Variants in EPB41L3 observed in about 807,000 individuals in gnomAD.
EPB41L3 encodes band 4.1-like protein 3.
EPB41L3 carries 57 observed loss-of-function variants against 127.1 expected under a neutral mutation model. The ratio of observed to expected loss-of-function variants is 0.45; its 90% CI spans 0.36 to 0.56. The LOEUF is 0.56. Among genes scored for constraint, EPB41L3 ranks in the 20% least tolerant of loss-of-function variants. EPB41L3 has a pLI of 0.00. For missense variants in EPB41L3, 1,273 were observed against 1,372.2 expected, an observed-to-expected ratio of 0.93 and a Z score of 1.14; for synonymous variants, 572 against 549.5, an observed-to-expected ratio of 1.04 and a Z score of -0.57.
chr18:5,426,953 T>A (rs1022865387), intron 9 of EPB41L3, among the ~76,000 whole-genome samples: 1 of 152,240 alleles, frequency 6.6e-6, no homozygotes, highest in Non-Finnish European at 1.5e-5. Context: ...TTATCATAGA[T>A]AGGTATGATG....
chr18:5,537,765 T>A (rs893616225), intron 1 of EPB41L3, among the ~76,000 whole-genome samples: 1 of 152,134 alleles, frequency 6.6e-6, no homozygotes, highest in African/African-American at 2.4e-5. Flanking sequence ...CAATGACTAA[T>A]TGAGAGTCTC....
chr18:5,476,132 A>G (rs985885974), intron 3 of EPB41L3, among the ~76,000 whole-genome samples: 1 of 151,996 alleles, frequency 6.6e-6, no homozygotes, highest in African/African-American at 2.4e-5. Flanking sequence ...CATTCAACCA[A>G]TCGGTTACAA....
At chr18:5,556,254 CAAA>C (rs578159360) in intron 3 of EPB41L3, among the ~76,000 whole-genome samples, 1 of 152,250 alleles carries the variant, frequency 6.6e-6, no homozygotes, top group South Asian at 2.1e-4. Context: ...AAAAAGCAAA[CAAA>C]AAGACAGAAA....
At chr18:5,507,557 A>T (rs1431238977) in intron 1 of EPB41L3, among the ~76,000 whole-genome samples, 1 of 152,198 alleles carries the variant, frequency 6.6e-6, no homozygotes, top group Non-Finnish European at 1.5e-5. Context: ...ACTCTCTAAA[A>T]ATCAATTTGT....
chr18:5,619,733 T>C (rs1199136491), intron 1 of EPB41L3, among the ~76,000 whole-genome samples: 1 of 152,252 alleles, frequency 6.6e-6, no homozygotes. Context: ...CATGTATTAT[T>C]TTTTATTTAT....
At chr18:5,605,211 C>T (rs1239665103) in intron 3 of EPB41L3, among the ~76,000 whole-genome samples, 1 of 152,142 alleles carries the variant, frequency 6.6e-6, no homozygotes, top group Non-Finnish European at 1.5e-5. Context: ...CCAACTTCTC[C>T]CTCTGCCCAG....
intron 1 of EPB41L3, among the ~76,000 whole-genome samples, chr18:5,505,552 T>G (rs1371031836): frequency 7.1e-6 from 1 of 141,364 alleles, no homozygotes; most frequent in African/African-American, 2.7e-5. Context: ...CCTCCACACC[T>G]TCAGCTCTTA....
At chr18:5,417,670 T>C (rs73375729) in intron 12 of EPB41L3, among the ~76,000 whole-genome samples, 1 of 152,070 alleles carries the variant, frequency 6.6e-6, no homozygotes, top group African/African-American at 2.4e-5. Context: ...AATGCACAAA[T>C]AAAGTTACAT....
rs115140639 is a variant in EPB41L3 at position 5,421,320 on chromosome 18, C to T, written c.1340-1443G>A. Among the ~76,000 whole-genome samples, 1,282 of 152,002 alleles carry T rather than the reference C, an allele frequency of 8.4e-3. 17 individuals carry two copies. Among genetic ancestry groups the T allele is most frequent in the African/African-American group, 0.021 (853 of 41,476 alleles). ...GATGATATTCAGGAAAAAAAAAGTG[C>T]GATTCTACAAAGTTCCTCAAATACT... On this transcript the variant is annotated intron_variant, in intron 11 of 22. Transcript: ENST00000341928.
chr18:5,458,341 G>T (rs967862389), intron 3 of EPB41L3, among the ~76,000 whole-genome samples: 1 of 152,128 alleles, frequency 6.6e-6, no homozygotes, highest in African/African-American at 2.4e-5. Flanking sequence ...GGAGTAAGTG[G>T]TCTTAAACTG....
In EPB41L3 at chr18:5,438,053, A is replaced by G; in HGVS notation, c.587T>C (p.Leu196Pro). 1 of 1,613,974 alleles carries G rather than the reference A, an allele frequency of 6.2e-7. No homozygotes were observed. ...VKFYPPDPAQ[L>P]SEDITRYYLC... ...CAAATACCTGGTGATATCTTCAGATAGTTGGGCAGGGTCTGGTGGATAAAA... is the reference window on the plus strand; with the variant it reads ...CAAATACCTGGTGATATCTTCAGATGGTTGGGCAGGGTCTGGTGGATAAAA... Residue 196 changes from leucine to proline, a missense_variant, in exon 6 of 23, where the codon CTA (leucine) becomes CCA (proline). By Grantham distance (98) the Leu-to-Pro change is moderately conservative (BLOSUM62 -3). This residue lies in a region of EPB41L3 where 326 missense variants were observed against 440.2 expected (regional missense o/e 0.74). Coordinates refer to ENST00000341928, the MANE Select transcript of EPB41L3 (RefSeq NM_012307.5).
chr18:5,512,040 C>T (rs1036386771), intron 1 of EPB41L3, among the ~76,000 whole-genome samples: 4 of 152,148 alleles, frequency 2.6e-5, no homozygotes, highest in African/African-American at 7.2e-5. Context: ...TGTAAGAAAA[C>T]AGGTATGGAT....
At chr18:5,517,411 T>TA (rs1011907935) in intron 1 of EPB41L3, among the ~76,000 whole-genome samples, 5 of 152,034 alleles carry the variant, frequency 3.3e-5, no homozygotes, top group African/African-American at 9.7e-5. Flanking sequence ...CCCCTCCCCT[T>TA]AAAAAATAAA....
At chr18:5,529,095 C>G (rs1390522903) in intron 1 of EPB41L3, 2 of 152,192 alleles carry the variant, frequency 1.3e-5, no homozygotes, top group Admixed American at 1.3e-4. Flanking sequence ...TGCCCTGGCA[C>G]TGCTCCGAAA....
intron 3 of EPB41L3, among the ~76,000 whole-genome samples, chr18:5,550,366 A>G (rs2093947409): frequency 6.6e-6 from 1 of 152,200 alleles, no homozygotes; most frequent in Non-Finnish European, 1.5e-5. Context: ...TATTTCAGAA[A>G]AACAATATCA....
At position 5,540,874 on chromosome 18, in the gene EPB41L3, G is replaced by C. The variant is rs546579109; in HGVS notation, c.-12+3039C>G. ...CCGAGACGGGTGGATCACGAGGTCA[G>C]GAGATCGAGACCATCCTGGCTAACA... On this transcript the variant is annotated intron_variant, in intron 1 of 22. Coordinates refer to ENST00000341928, the MANE Select transcript of EPB41L3 (RefSeq NM_012307.5). Among the ~76,000 whole-genome samples the C allele has an allele frequency of 1.0e-3, 153 of 152,134 alleles. 2 individuals are homozygous for C. Among genetic ancestry groups the C allele is most frequent in the African/African-American group, 3.6e-3 (149 of 41,520 alleles).
rs567479957 is a variant in EPB41L3, at chr18:5,393,220, T to G, written c.*265A>C. 29 of 408,976 alleles carry G rather than the reference T, an allele frequency of 7.1e-5. No homozygotes were observed. The highest frequency in any genetic ancestry group is 1.2e-4 in the Non-Finnish European group (28 of 231,010). The allele number at this position is 408,976 out of a possible 1,614,324, so 25.3% of individuals were successfully genotyped here. On this transcript the variant is annotated 3_prime_UTR_variant, in exon 23 of 23. Transcript: ENST00000341928. ...GGTATAGCTGAAAACTGAGACATTT[T>G]GTGAAAATTAAAAATGCTGCTCTTT...
chr18:5,440,154 C>T (rs975574857), intron 5 of EPB41L3, among the ~76,000 whole-genome samples: 2 of 152,084 alleles, frequency 1.3e-5, no homozygotes, highest in African/African-American at 4.8e-5. Context: ...TGGAGTATGG[C>T]CTAGGAATCG....
chr18:5,430,753 G>A (rs2078898865), intron 8 of EPB41L3, among the ~76,000 whole-genome samples: 1 of 150,586 alleles, frequency 6.6e-6, no homozygotes, highest in South Asian at 2.1e-4. Flanking sequence ...GGTAGAGATC[G>A]GGTTCTGCTA....
Sources: gnomAD v4.1 joint callset for allele counts (sites outside exome capture counted in the v4.1 genomes callset) on GRCh38, gnomAD v4.1.1 for gene constraint, gnomAD v4.1.1 regional missense constraint, MANE v1.5 for transcripts, NCBI Gene and HGNC (gene_info 2026-07-23, HGNC 2026-07-21) for gene names.